Variants in GPR176 observed in about 807,000 individuals in gnomAD.
The protein encoded by GPR176 is G-protein coupled receptor 176.
Under a neutral mutation model 35.4 loss-of-function variants are expected in GPR176, and 26 were observed. That is an observed-to-expected ratio of 0.74 (90% CI 0.54 to 1.02). GPR176 has a LOEUF of 1.02. GPR176 is among the 50% of genes least tolerant of loss of function. The pLI is 0.00. For missense variants in GPR176, 597 were observed against 665.3 expected, an observed-to-expected ratio of 0.90 and a Z score of 1.13; for synonymous variants, 278 against 271.3, an observed-to-expected ratio of 1.02 and a Z score of -0.24.
intron 1 of GPR176, among the ~76,000 whole-genome samples, chr15:39,836,956 C>G (rs1449129850): frequency 6.6e-6 from 1 of 152,086 alleles, no homozygotes; most frequent in South Asian, 2.1e-4. Context: ...TATATGGGGA[C>G]ATCTGACTAA....
chr15:39,820,215 T>C lies in GPR176; in HGVS notation c.173-12957A>G, dbSNP rs370981668. On this transcript the variant is annotated intron_variant, in intron 1 of 2. Coordinates refer to ENST00000561100, the MANE Select transcript of GPR176 (RefSeq NM_007223.3). ...GAGCTGGGAGAGCCAGAATAGCAGATAGGGCAAGAGCTGGGGGTAGCCAGA... is the reference window on the plus strand; with the variant it reads ...GAGCTGGGAGAGCCAGAATAGCAGACAGGGCAAGAGCTGGGGGTAGCCAGA... Among the ~76,000 whole-genome samples, 5 of 152,100 alleles carry C rather than the reference T, an allele frequency of 3.3e-5. 1 individual carries two copies. The highest frequency in any genetic ancestry group is 1.9e-4 in the East Asian group (1 of 5,168).
chr15:39,909,956 T>C (rs144573604), intron 1 of GPR176: 8 of 777,642 alleles, frequency 1.0e-5, no homozygotes, highest in Non-Finnish European at 1.1e-5. Context: ...CATTTTTCTT[T>C]AAATGCTTTC....
chr15:39,915,016 C>G (rs2033688351), intron 1 of GPR176, among the ~76,000 whole-genome samples: 1 of 152,194 alleles, frequency 6.6e-6, no homozygotes, highest in African/African-American at 2.4e-5. Flanking sequence ...CCCACCTTTC[C>G]CTTCAAATGA....
chr15:39,882,196 C>G (rs943045504), intron 1 of GPR176, among the ~76,000 whole-genome samples: 1 of 152,178 alleles, frequency 6.6e-6, no homozygotes, highest in Non-Finnish European at 1.5e-5. Flanking sequence ...TTCTAAGAAA[C>G]TGATAAAGCC....
chr15:39,806,202 AGCCTGCACTTT>A (rs1407052066), intron 2 of GPR176, among the ~76,000 whole-genome samples: 2 of 152,280 alleles, frequency 1.3e-5, no homozygotes, highest in Non-Finnish European at 2.9e-5. Context: ...AAATCAGAAT[AGCCTGCACTTT>A]CCCTTCAGCA....
intron 1 of GPR176, among the ~76,000 whole-genome samples, chr15:39,834,270 A>G (rs1014721746): frequency 6.6e-6 from 1 of 152,250 alleles, no homozygotes; most frequent in East Asian, 1.9e-4. Flanking sequence ...GACAAAAGCT[A>G]TAAAATTAAT....
intron 2 of GPR176, among the ~76,000 whole-genome samples, chr15:39,806,455 A>C (rs1046874114): frequency 1.3e-5 from 2 of 152,216 alleles, no homozygotes; most frequent in African/African-American, 4.8e-5. Flanking sequence ...TGTAAGGTTC[A>C]CTTCCAAATG....
intron 1 of GPR176, among the ~76,000 whole-genome samples, chr15:39,881,824 C>G (rs1051433159): frequency 6.6e-6 from 1 of 152,158 alleles, no homozygotes; most frequent in Non-Finnish European, 1.5e-5. Flanking sequence ...GAATCTCACT[C>G]TAGTACAAGT....
chr15:39,842,369 G>A (rs913732746), intron 1 of GPR176, among the ~76,000 whole-genome samples: 1 of 152,080 alleles, frequency 6.6e-6, no homozygotes, highest in Non-Finnish European at 1.5e-5. Context: ...GCATTAGGCG[G>A]ATGGTGCTAA....
intron 1 of GPR176, among the ~76,000 whole-genome samples, chr15:39,820,175 T>C (rs557847624): frequency 5.9e-5 from 9 of 151,562 alleles, no homozygotes; most frequent in East Asian, 3.9e-4. Context: ...AGGAGAGGAG[T>C]GTTTGCGCAG....
chr15:39,893,803 G>A (rs1338180189), intron 1 of GPR176, among the ~76,000 whole-genome samples: 13 of 137,984 alleles, frequency 9.4e-5, no homozygotes, highest in Admixed American at 6.4e-4. Context: ...CCTCCCTCCC[G>A]GATGGGGCGG....
rs115722022 is a variant in GPR176, at chr15:39,850,632, G to A, written c.173-43374C>T. On this transcript the variant is annotated intron_variant, in intron 1 of 2. Coordinates refer to ENST00000561100, the MANE Select transcript of GPR176 (RefSeq NM_007223.3). Reference sequence around the variant, plus strand: ...AGGGCAACAGAAGGCTCCTTGTGGTGATGGAAACATCTGTGTCTTGACCTA... The same window carrying A: ...AGGGCAACAGAAGGCTCCTTGTGGTAATGGAAACATCTGTGTCTTGACCTA... 9.5e-3 allele frequency among the ~76,000 whole-genome samples: 1,444 copies of A among 152,172 alleles called. 22 individuals carry two copies. The highest frequency in any genetic ancestry group is 0.034 in the African/African-American group (1,398 of 41,524).
intron 1 of GPR176, chr15:39,807,551 A>T (rs753930325): frequency 5.7e-5 from 86 of 1,522,024 alleles, no homozygotes; most frequent in Middle Eastern, 3.3e-4. Flanking sequence ...GTGTATAAAC[A>T]ATTTGCTAGT....
chr15:39,880,100 G>A (rs1357563870), intron 1 of GPR176, among the ~76,000 whole-genome samples: 4 of 152,162 alleles, frequency 2.6e-5, no homozygotes, highest in Non-Finnish European at 1.5e-5. Context: ...TCTCTGGCTA[G>A]GAAATCTTCA....
At chr15:39,902,680 A>G (rs1274060167) in intron 1 of GPR176, among the ~76,000 whole-genome samples, 1 of 152,232 alleles carries the variant, frequency 6.6e-6, no homozygotes, top group Non-Finnish European at 1.5e-5. Flanking sequence ...TGGAAATTGA[A>G]TTAACACTCA....
At chr15:39,837,512 A>G (rs1445737693) in intron 1 of GPR176, among the ~76,000 whole-genome samples, 1 of 152,118 alleles carries the variant, frequency 6.6e-6, no homozygotes, top group Admixed American at 6.6e-5. Context: ...CTCCATGAAG[A>G]CCTCTTTGAT....
At chr15:39,806,776 TG>T (rs1272625701) in intron 2 of GPR176, among the ~76,000 whole-genome samples, 1 of 152,180 alleles carries the variant, frequency 6.6e-6, no homozygotes, top group African/African-American at 2.4e-5. Context: ...ATCCTCACCA[TG>T]GAACTCCCAT....
At chr15:39,869,396 A>G (rs997563825) in intron 1 of GPR176, among the ~76,000 whole-genome samples, 3 of 152,218 alleles carry the variant, frequency 2.0e-5, no homozygotes, top group Non-Finnish European at 4.4e-5. Flanking sequence ...CAAGGTGCTC[A>G]TGACATCGCT....
intron 1 of GPR176, among the ~76,000 whole-genome samples, chr15:39,883,231 T>C (rs2032546941): frequency 6.6e-6 from 1 of 152,172 alleles, no homozygotes; most frequent in Admixed American, 6.6e-5. Context: ...TATAACGAAG[T>C]ATTTTCTATT....
Sources: gnomAD v4.1 joint callset for allele counts (sites outside exome capture counted in the v4.1 genomes callset) on GRCh38, gnomAD v4.1.1 for gene constraint, MANE v1.5 for transcripts, NCBI Gene and HGNC (gene_info 2026-07-23, HGNC 2026-07-21) for gene names.